The following SPIDR variants were observed in gnomAD, a reference collection of about 807,000 sequenced individuals.
The protein encoded by SPIDR is scaffold protein involved in DNA repair.
SPIDR carries 93 observed loss-of-function variants against 104.6 expected under a neutral mutation model. The observed-to-expected ratio is 0.89, with a 90% CI of 0.75 to 1.06. The LOEUF (loss-of-function observed/expected upper bound fraction) is 1.06, where lower values mean the gene tolerates loss of function less well. Ranked by LOEUF, SPIDR falls within the 50% of genes least tolerant of loss-of-function variation. The pLI, the probability that SPIDR is intolerant of heterozygous loss-of-function variation, is 0.00. For missense variants in SPIDR, 1,154 were observed against 1,111.2 expected, an observed-to-expected ratio of 1.04 and a Z score of -0.55; for synonymous variants, 431 against 416.9, an observed-to-expected ratio of 1.03 and a Z score of -0.41.
intron 8 of SPIDR, among the ~76,000 whole-genome samples, chr8:47,545,107 CTTTCTTTCTTTCTT>C (rs1564286831): frequency 3.2e-5 from 4 of 126,714 alleles, no homozygotes; most frequent in Admixed American, 8.7e-5. Flanking sequence ...TTCTTTCTTT[CTTTCTTTCTTTCTT>C]TTTTTTTTTT....
chr8:47,684,050 C>T (rs958214503), intron 11 of SPIDR, among the ~76,000 whole-genome samples: 8 of 149,200 alleles, frequency 5.4e-5, no homozygotes, highest in Middle Eastern at 3.5e-3. Context: ...TTACTTGAAC[C>T]CAGGAAGCAG....
intron 8 of SPIDR, chr8:47,510,977 C>T (rs2082231202): frequency 4.6e-6 from 3 of 659,154 alleles, no homozygotes; most frequent in Non-Finnish European, 5.5e-6. Context: ...CCCCATGGGG[C>T]ATGGCCACTG....
chr8:47,265,715 T>G (rs2033819776), intron 1 of SPIDR, among the ~76,000 whole-genome samples: 1 of 152,188 alleles, frequency 6.6e-6, no homozygotes, highest in Admixed American at 6.5e-5. Flanking sequence ...TTATTTTTAT[T>G]GAGATAACTG....
intron 8 of SPIDR, among the ~76,000 whole-genome samples, chr8:47,551,689 C>T (rs376016013): frequency 6.6e-6 from 1 of 152,100 alleles, no homozygotes; most frequent in African/African-American, 2.4e-5. Flanking sequence ...TGCTAGCGGT[C>T]TATCAATTTT....
At position 47,735,706 on chromosome 8, in the gene SPIDR, G is replaced by A; in HGVS notation, c.*256G>A. On this transcript the variant is annotated 3_prime_UTR_variant, in exon 20 of 20. Coordinates refer to ENST00000297423, the MANE Select transcript of SPIDR (RefSeq NM_001080394.4). The stretch of plus-strand genomic sequence containing the variant: ...TACTCGTTTTCACATTGAATCTTAA[G>A]TTTAAGCTCTTCATTTGGTATTTAG... 3.6e-6 allele frequency: 3 copies of A among 826,122 alleles called. No individual in the cohort carries two copies. The highest frequency in any genetic ancestry group is 5.4e-6 in the Non-Finnish European group (3 of 555,150). 51.2% of individuals were successfully genotyped at this position (826,122 alleles called of 1,614,324 possible).
At chr8:47,334,770 A>T (rs2049386202) in intron 5 of SPIDR, among the ~76,000 whole-genome samples, 1 of 152,170 alleles carries the variant, frequency 6.6e-6, no homozygotes, top group Admixed American at 6.6e-5. Flanking sequence ...GTATAATTGG[A>T]TTAATATCTA....
chr8:47,423,005 C>T (rs1267431159), intron 7 of SPIDR, among the ~76,000 whole-genome samples: 1 of 152,110 alleles, frequency 6.6e-6, no homozygotes, highest in South Asian at 2.1e-4. Context: ...TTGAGTTTGA[C>T]TTTAAAAGAA....
intron 6 of SPIDR, among the ~76,000 whole-genome samples, chr8:47,398,765 C>T (rs890411325): frequency 3.3e-5 from 5 of 152,206 alleles, no homozygotes; most frequent in East Asian, 1.9e-4. Context: ...CAGTGCTGGG[C>T]GAGAGGAGAA....
rs2086128929 is a variant in SPIDR at position 47,735,370 on chromosome 8, G to A, written c.2668G>A (p.Val890Ile). The A allele has an allele frequency of 6.2e-6, 10 of 1,613,966 alleles. No homozygotes were observed. The highest frequency in any genetic ancestry group is 4.0e-5 in the African/African-American group (3 of 75,044). ...GTTGTTAAATTGTTTTGTCCAGTCC[G>A]TAACCGCCCACCCGACCAGCTGCAT... ...VGLLNCFVQS[V>I]TAHPTSCIGL... The change falls in exon 20 of 20, where the codon GTA (valine) becomes ATA (isoleucine). Residue 890 changes from valine to isoleucine, a missense_variant. Transcript: ENST00000297423.
At chr8:47,408,414 C>T (rs2063048803) in intron 7 of SPIDR, among the ~76,000 whole-genome samples, 1 of 152,118 alleles carries the variant, frequency 6.6e-6, no homozygotes, top group Non-Finnish European at 1.5e-5. Flanking sequence ...CTTTTTCCAC[C>T]GTGCCCAGCT....
chr8:47,378,488 C>T (rs1030199902), intron 5 of SPIDR, among the ~76,000 whole-genome samples: 4 of 152,158 alleles, frequency 2.6e-5, no homozygotes, highest in Non-Finnish European at 4.4e-5. Context: ...TAAATGTTAT[C>T]TACATACATA....
intron 6 of SPIDR, among the ~76,000 whole-genome samples, chr8:47,404,774 C>T (rs1364395379): frequency 1.4e-4 from 21 of 152,146 alleles, no homozygotes; most frequent in Non-Finnish European, 2.2e-4. Context: ...ACTGGTTCAA[C>T]CATTGTGGAA....
intron 8 of SPIDR, among the ~76,000 whole-genome samples, chr8:47,559,294 A>G (rs981394766): frequency 6.6e-6 from 1 of 152,276 alleles, no homozygotes; most frequent in Non-Finnish European, 1.5e-5. Flanking sequence ...CAAATGTGTT[A>G]CATTTAACCA....
chr8:47,381,782 G>A (rs377736702), intron 5 of SPIDR, among the ~76,000 whole-genome samples: 2 of 152,212 alleles, frequency 1.3e-5, no homozygotes, highest in Non-Finnish European at 2.9e-5. Flanking sequence ...TCACAGAGCC[G>A]CCCCGTGGCA....
chr8:47,683,747 G>A (rs1034493473), intron 11 of SPIDR, among the ~76,000 whole-genome samples: 4 of 152,120 alleles, frequency 2.6e-5, no homozygotes, highest in African/African-American at 4.8e-5. Flanking sequence ...ACTTTGGTCA[G>A]ACCATCTTTT....
At chr8:47,403,194 C>T (rs782458227) in intron 6 of SPIDR, among the ~76,000 whole-genome samples, 4 of 152,066 alleles carry the variant, frequency 2.6e-5, no homozygotes, top group Admixed American at 6.6e-5. Flanking sequence ...AGGTATATAT[C>T]GGACATATCT....
intron 10 of SPIDR, among the ~76,000 whole-genome samples, chr8:47,599,866 A>G (rs2062047844): frequency 6.6e-6 from 1 of 152,166 alleles, no homozygotes; most frequent in Non-Finnish European, 1.5e-5. Flanking sequence ...TCTGGAGTTC[A>G]AGAGATTCTC....
intron 5 of SPIDR, among the ~76,000 whole-genome samples, chr8:47,370,932 A>G (rs1441003880): frequency 1.3e-5 from 2 of 151,924 alleles, no homozygotes. Context: ...ATAGTTGTCT[A>G]GGTTTGCTGT....
intron 5 of SPIDR, among the ~76,000 whole-genome samples, chr8:47,317,125 C>T (rs1215387690): frequency 1.3e-5 from 2 of 152,140 alleles, no homozygotes; most frequent in Non-Finnish European, 2.9e-5. Flanking sequence ...GGGTACAGTG[C>T]ACCCAGCGTG....
Sources: gnomAD v4.1 joint callset for allele counts (sites outside exome capture counted in the v4.1 genomes callset) on GRCh38, gnomAD v4.1.1 for gene constraint, MANE v1.5 for transcripts, NCBI Gene and HGNC (gene_info 2026-07-23, HGNC 2026-07-21) for gene names.